SSH2: variants seen among roughly 807,000 people sequenced by gnomAD.
SSH2 encodes the protein slingshot protein phosphatase 2, also known as protein phosphatase Slingshot homolog 2.
A neutral mutation model predicts 135.2 loss-of-function variants in SSH2; 37 were observed. That is an observed-to-expected ratio of 0.27 (90% CI 0.21 to 0.36). The LOEUF is 0.36. Ranked by LOEUF, SSH2 falls within the 10% of genes least tolerant of loss-of-function variation. The probability of loss-of-function intolerance (pLI) is 1.00; values close to 1 mark genes in which losing one functional copy is unlikely to be tolerated. For missense variants in SSH2, 1,408 were observed against 1,765.3 expected (o/e 0.80, Z 3.63); for synonymous variants, 628 against 646.2 (o/e 0.97, Z 0.43).
At chr17:29,856,034 T>C (rs2065657001) in intron 1 of SSH2, 2 of 386,378 alleles carry the variant, frequency 5.2e-6, no homozygotes, top group Non-Finnish European at 1.0e-5. Context: ...AGATGAGGTC[T>C]GTGCATACTC....
intron 1 of SSH2, among the ~76,000 whole-genome samples, chr17:29,896,984 TA>T (rs1285594390): frequency 6.6e-6 from 1 of 151,954 alleles, no homozygotes; most frequent in Non-Finnish European, 1.5e-5. Context: ...ACAAAAATAC[TA>T]CTGTAATGCT....
intron 5 of SSH2, among the ~76,000 whole-genome samples, chr17:29,686,305 C>T (rs908974861): frequency 5.9e-5 from 9 of 151,832 alleles, no homozygotes; most frequent in Admixed American, 5.3e-4. Context: ...ATGCCCTCAT[C>T]GAGTTATATA....
chr17:29,659,014 T>C (rs1278297010), intron 11 of SSH2, among the ~76,000 whole-genome samples: 1 of 152,188 alleles, frequency 6.6e-6, no homozygotes, highest in Non-Finnish European at 1.5e-5. Flanking sequence ...TTGCTACTTC[T>C]TACTCATATT....
chr17:29,865,186 C>A lies in SSH2; in HGVS notation c.64-16257G>T, dbSNP rs186908337. ...TATTTGACTCAGATACAAAAACAGA[C>A]TTAATATTCTAAAATGGTAAGTCTA... On this transcript the variant is annotated intron_variant, in intron 1 of 15. Transcript: ENST00000540801. Among the ~76,000 whole-genome samples, 185 of 152,234 alleles carry A rather than the reference C, an allele frequency of 1.2e-3. 1 individual carries two copies. Among genetic ancestry groups the A allele is most frequent in the Non-Finnish European group, 2.2e-3 (147 of 68,026 alleles).
chr17:29,792,699 C>A (rs2042089989), intron 3 of SSH2, among the ~76,000 whole-genome samples: 1 of 152,136 alleles, frequency 6.6e-6, no homozygotes, highest in African/African-American at 2.4e-5. Flanking sequence ...GTTTTTGAGA[C>A]GGAGTCTCGC....
intron 1 of SSH2, among the ~76,000 whole-genome samples, chr17:29,926,992 G>A (rs1263016877): frequency 6.6e-6 from 1 of 152,148 alleles, no homozygotes; most frequent in African/African-American, 2.4e-5. Context: ...GTCACTTACT[G>A]GCTGAATGAC....
intron 6 of SSH2, among the ~76,000 whole-genome samples, chr17:29,680,366 G>GA (rs2037920847): frequency 6.6e-6 from 1 of 151,454 alleles, no homozygotes; most frequent in African/African-American, 2.4e-5. Flanking sequence ...CCAACATGGC[G>GA]AAACTCCATC....
intron 1 of SSH2, among the ~76,000 whole-genome samples, chr17:29,888,110 T>A (rs1397273764): frequency 6.6e-6 from 1 of 152,096 alleles, no homozygotes; most frequent in African/African-American, 2.4e-5. Flanking sequence ...TAGTGGTACA[T>A]GCCTGTAGTC....
chr17:29,870,110 T>C (rs544637451), intron 1 of SSH2, among the ~76,000 whole-genome samples: 65 of 152,048 alleles, frequency 4.3e-4, no homozygotes, highest in Non-Finnish European at 5.3e-4. Flanking sequence ...TTATGTTAAA[T>C]GACATTTTCC....
chr17:29,913,202 C>T (rs954310286), intron 1 of SSH2, among the ~76,000 whole-genome samples: 1 of 148,186 alleles, frequency 6.7e-6, no homozygotes, highest in Non-Finnish European at 1.5e-5. Context: ...TCTGTAATCC[C>T]AGCCACTTGG....
chr17:29,899,244 C>T (rs1358350184), intron 1 of SSH2, among the ~76,000 whole-genome samples: 1 of 151,926 alleles, frequency 6.6e-6, no homozygotes, highest in East Asian at 1.9e-4. Flanking sequence ...TCTCTCACCA[C>T]TCCTATTCAA....
chr17:29,674,670 C>T (rs577001713), intron 8 of SSH2, among the ~76,000 whole-genome samples: 2 of 152,224 alleles, frequency 1.3e-5, no homozygotes, highest in African/African-American at 4.8e-5. Flanking sequence ...AGAGCTAGGA[C>T]CAGTCAATTT....
At chr17:29,741,215 G>A (rs1025837295) in intron 3 of SSH2, among the ~76,000 whole-genome samples, 1 of 152,170 alleles carries the variant, frequency 6.6e-6, no homozygotes, top group Non-Finnish European at 1.5e-5. Context: ...AATTTCAGAA[G>A]CATTAGAAAT....
At chr17:29,732,046 T>C (rs528763231) in intron 3 of SSH2, among the ~76,000 whole-genome samples, 1 of 152,208 alleles carries the variant, frequency 6.6e-6, no homozygotes, top group South Asian at 2.1e-4. Flanking sequence ...CAAAAGAGGG[T>C]AAAAGACAGC....
intron 3 of SSH2, among the ~76,000 whole-genome samples, chr17:29,761,841 A>ATGTGTGTGTG (rs1491453124): frequency 7.1e-6 from 1 of 141,228 alleles, no homozygotes; most frequent in African/African-American, 2.9e-5. Context: ...ACTCACATAC[A>ATGTGTGTGTG]TATGTGTGTG....
intron 15 of SSH2, among the ~76,000 whole-genome samples, chr17:29,633,284 C>T (rs945707339): frequency 6.6e-6 from 1 of 152,226 alleles, no homozygotes. Flanking sequence ...CCTCCAGGTT[C>T]AGGCCATACT....
At chr17:29,844,772 C>T (rs1217721659) in intron 2 of SSH2, among the ~76,000 whole-genome samples, 1 of 152,188 alleles carries the variant, frequency 6.6e-6, no homozygotes, top group Non-Finnish European at 1.5e-5. Flanking sequence ...TTCCTGGAGA[C>T]TGAGTGGGAT....
rs116097049 is a variant in SSH2, at chr17:29,669,770, C to T, written c.809+2165G>A. 3.4e-3 allele frequency among the ~76,000 whole-genome samples: 520 copies of T among 152,168 alleles called. 2 individuals are homozygous for T. Among genetic ancestry groups the T allele is most frequent in the African/African-American group, 0.012 (507 of 41,512 alleles). ...ACAGTTAATAAGCCTCTATCATTTGCCAGGGACTGCCTTTATGTTTTTTGC... is the reference window on the plus strand; with the variant it reads ...ACAGTTAATAAGCCTCTATCATTTGTCAGGGACTGCCTTTATGTTTTTTGC... On this transcript the variant is annotated intron_variant, in intron 9 of 15. Transcript: ENST00000540801.
At chr17:29,900,544 G>A (rs969124420) in intron 1 of SSH2, among the ~76,000 whole-genome samples, 5 of 152,154 alleles carry the variant, frequency 3.3e-5, no homozygotes, top group African/African-American at 4.8e-5. Context: ...ATCATCACTG[G>A]CCATCAGAGA....
Sources: allele counts gnomAD v4.1 joint callset (sites outside exome capture counted in the v4.1 genomes callset), GRCh38; gene constraint gnomAD v4.1.1; transcripts MANE v1.5; gene names NCBI Gene and HGNC (gene_info 2026-07-23, HGNC 2026-07-21).